The following RBFOX1 variants were observed in gnomAD, a reference collection of about 807,000 sequenced individuals.
RBFOX1 encodes RNA binding protein fox-1 homolog 1.
Under a neutral mutation model 57.7 loss-of-function variants are expected in RBFOX1, and 8 were observed. The ratio of observed to expected loss-of-function variants is 0.14; its 90% CI spans 0.08 to 0.25. The LOEUF is 0.25. Ranked by LOEUF, RBFOX1 falls within the 10% of genes least tolerant of loss-of-function variation. RBFOX1 has a pLI of 1.00. For synonymous variants in RBFOX1, 326 were observed against 222.4 expected (o/e 1.47, Z -4.15); for missense variants, 611 against 548.5 (o/e 1.11, Z -1.14).
At chr16:6,016,760 C>T (rs1034623244), upstream of RBFOX1, among the ~76,000 whole-genome samples, 2 of 152,194 alleles carry the variant, frequency 1.3e-5, no homozygotes, top group African/African-American at 4.8e-5. Flanking sequence ...TGGGAGCTGT[C>T]AACTTCAGCA....
chr16:7,295,903 A>C (rs889593450), intron 4 of RBFOX1, among the ~76,000 whole-genome samples: 3 of 152,230 alleles, frequency 2.0e-5, no homozygotes, highest in African/African-American at 7.2e-5. Flanking sequence ...TCTGTGGTTC[A>C]GGAAACTCAG....
intron 1 of RBFOX1, among the ~76,000 whole-genome samples, chr16:5,348,189 C>G (rs1339384255): frequency 6.6e-6 from 1 of 151,368 alleles, no homozygotes; most frequent in Admixed American, 6.6e-5. Flanking sequence ...CAATAATCTA[C>G]TCTTCCACCC....
chr16:7,695,171 G>C (rs1418437210), intron 14 of RBFOX1, among the ~76,000 whole-genome samples: 1 of 152,070 alleles, frequency 6.6e-6, no homozygotes, highest in Non-Finnish European at 1.5e-5. Context: ...GTCCTTTGAT[G>C]GCCATTTTAA....
intron 4 of RBFOX1, among the ~76,000 whole-genome samples, chr16:7,059,893 A>G (rs2053711950): frequency 6.6e-6 from 1 of 152,212 alleles, no homozygotes; most frequent in Admixed American, 6.5e-5. Context: ...AGTAAGAAAA[A>G]GAGCTGTTTC....
intron 3 of RBFOX1, among the ~76,000 whole-genome samples, chr16:6,920,418 A>C (rs969443968): frequency 6.6e-6 from 1 of 152,226 alleles, no homozygotes; most frequent in Non-Finnish European, 1.5e-5. Context: ...TTGCTTCCTC[A>C]GCTTATAAAT....
At position 7,181,804 on chromosome 16, in the gene RBFOX1, G is replaced by T. The variant is rs147603361; in HGVS notation, c.27+129706G>T. 2.7e-3 allele frequency among the ~76,000 whole-genome samples: 417 copies of T among 152,138 alleles called. 3 individuals carry two copies. The highest frequency in any genetic ancestry group is 9.6e-3 in the African/African-American group (399 of 41,496). On this transcript the variant is annotated intron_variant, in intron 4 of 15. Transcript: ENST00000550418. Reference sequence around the variant, plus strand: ...TCAGACTCCTGAGCTCAAGCGATCTGCCCATCTCAGCCTCCCAAAGTGCTA... The same window carrying T: ...TCAGACTCCTGAGCTCAAGCGATCTTCCCATCTCAGCCTCCCAAAGTGCTA...
At chr16:6,450,996 A>C (rs1261045497) in intron 2 of RBFOX1, among the ~76,000 whole-genome samples, 1 of 148,754 alleles carries the variant, frequency 6.7e-6, no homozygotes, top group Non-Finnish European at 1.5e-5. Context: ...GACAATAGGG[A>C]TTAGTGGGTA....
intron 14 of RBFOX1, 47 bp from the exon 15 acceptor site, chr16:7,709,002 ATTGTTTT>A: frequency 1.3e-6 from 2 of 1,515,008 alleles, no homozygotes; most frequent in African/African-American, 2.8e-5. Context: ...TATGATTGTT[ATTGTTTT>A]GTAATTGCAT....
At chr16:7,257,003 G>A (rs1468965129) in intron 4 of RBFOX1, among the ~76,000 whole-genome samples, 1 of 152,074 alleles carries the variant, frequency 6.6e-6, no homozygotes, top group East Asian at 1.9e-4. Flanking sequence ...TTCTGATCCT[G>A]TCTCCTCTCC....
chr16:7,458,885 C>T (rs1034005945), intron 4 of RBFOX1, among the ~76,000 whole-genome samples: 19 of 152,208 alleles, frequency 1.2e-4, no homozygotes, highest in African/African-American at 4.6e-4. Context: ...TTGTGTCTGT[C>T]TTTCTGCACT....
chr16:7,022,877 A>C (rs1284463347), intron 3 of RBFOX1, among the ~76,000 whole-genome samples: 1 of 152,208 alleles, frequency 6.6e-6, no homozygotes, highest in African/African-American at 2.4e-5. Context: ...ATGTTCACAC[A>C]GCTAGAATGC....
intron 1 of RBFOX1, among the ~76,000 whole-genome samples, chr16:6,052,816 A>AATAATAATAATG (rs965311518): frequency 1.4e-5 from 2 of 147,994 alleles, no homozygotes; most frequent in Non-Finnish European, 3.0e-5. Flanking sequence ...TAATAATAAT[A>AATAATAATAATG]ATAATAATAA....
At chr16:6,840,018 A>G (rs1038788559) in intron 3 of RBFOX1, among the ~76,000 whole-genome samples, 5 of 152,210 alleles carry the variant, frequency 3.3e-5, no homozygotes, top group East Asian at 1.9e-4. Flanking sequence ...TGTAGCAACT[A>G]TGGACCCTGG....
intron 2 of RBFOX1, among the ~76,000 whole-genome samples, chr16:6,458,728 G>C (rs1393436843): frequency 6.6e-6 from 1 of 152,224 alleles, no homozygotes; most frequent in African/African-American, 2.4e-5. Context: ...TAGGAGTAAG[G>C]AATGAAAAAC....
intron 2 of RBFOX1, among the ~76,000 whole-genome samples, chr16:6,375,685 C>G (rs922644549): frequency 1.3e-5 from 2 of 152,114 alleles, no homozygotes; most frequent in Non-Finnish European, 2.9e-5. Flanking sequence ...AACCCGGAGG[C>G]GCATCTCACA....
intron 3 of RBFOX1, among the ~76,000 whole-genome samples, chr16:5,695,441 C>G (rs971454205): frequency 6.6e-6 from 1 of 152,134 alleles, no homozygotes; most frequent in Non-Finnish European, 1.5e-5. Flanking sequence ...TTTGTAGGTC[C>G]TAATTAAATA....
chr16:6,530,840 G>A (rs150412859), intron 2 of RBFOX1, among the ~76,000 whole-genome samples: 2 of 151,368 alleles, frequency 1.3e-5, no homozygotes, highest in African/African-American at 2.4e-5. Flanking sequence ...ACCTTCCACC[G>A]GATCCCTCCT....
At chr16:6,091,221 C>A (rs1156294926) in intron 1 of RBFOX1, among the ~76,000 whole-genome samples, 1 of 152,130 alleles carries the variant, frequency 6.6e-6, no homozygotes, top group African/African-American at 2.4e-5. Context: ...ACCCCCACAC[C>A]CTTCCCAGCC....
chr16:5,890,548 T>A (rs1250877368), intron 4 of RBFOX1, among the ~76,000 whole-genome samples: 1 of 151,680 alleles, frequency 6.6e-6, no homozygotes, highest in Non-Finnish European at 1.5e-5. Flanking sequence ...AATAGAAAAA[T>A]TAGCTGGGCG....
Sources: gnomAD v4.1 joint callset for allele counts (sites outside exome capture counted in the v4.1 genomes callset) on GRCh38, gnomAD v4.1.1 for gene constraint, MANE v1.5 for transcripts, NCBI Gene and HGNC (gene_info 2026-07-23, HGNC 2026-07-21) for gene names.